Variants in EMID1 observed in about 807,000 individuals in gnomAD.
EMID1 encodes EMI domain containing 1.
EMID1 carries 40 observed loss-of-function variants against 60.6 expected under a neutral mutation model. The ratio of observed to expected loss-of-function variants is 0.66; its 90% CI spans 0.51 to 0.86. The LOEUF (loss-of-function observed/expected upper bound fraction) is 0.86. Among genes scored for constraint, EMID1 ranks in the 40% least tolerant of loss-of-function variants. EMID1 has a pLI of 0.00. For synonymous variants in EMID1, 242 were observed against 231.0 expected (o/e 1.05, Z -0.43); for missense variants, 585 against 597.1 (o/e 0.98, Z 0.21).
At chr22:29,247,787 G>A (rs150761815) in intron 13 of EMID1, among the ~76,000 whole-genome samples, 2,303 of 151,818 alleles carry the variant, frequency 0.015, 58 homozygotes, top group African/African-American at 0.053. Context: ...GAGCCACCAC[G>A]CCCAGCTAAT....
intron 2 of EMID1, 46 bp downstream of exon 2, chr22:29,215,085 C>A: frequency 6.7e-7 from 1 of 1,493,656 alleles, no homozygotes; most frequent in Non-Finnish European, 9.0e-7. Context: ...GGTGGAGGCA[C>A]AGTTTGGGCA....
At chr22:29,220,994 T>G (rs73884703) in intron 3 of EMID1, among the ~76,000 whole-genome samples, 4,366 of 150,556 alleles carry the variant, frequency 0.029, 196 homozygotes, top group African/African-American at 0.1. Flanking sequence ...CTGGCCTGTT[T>G]GGGAAGGCTT....
intron 13 of EMID1, among the ~76,000 whole-genome samples, chr22:29,253,038 AAAT>A (rs2041581821): frequency 6.6e-6 from 1 of 152,254 alleles, no homozygotes; most frequent in African/African-American, 2.4e-5. Context: ...ACGATGGTTC[AAAT>A]TACAATTTTT....
intron 1 of EMID1, among the ~76,000 whole-genome samples, 168 bp downstream of exon 1, chr22:29,206,307 C>A (rs916452407): frequency 6.6e-6 from 1 of 152,234 alleles, no homozygotes; most frequent in Admixed American, 6.5e-5. Flanking sequence ...AGTGCGGGGT[C>A]CCCTACTCCA....
chr22:29,250,271 A>G (rs971169874), intron 13 of EMID1, among the ~76,000 whole-genome samples: 1 of 152,162 alleles, frequency 6.6e-6, no homozygotes, highest in Non-Finnish European at 1.5e-5. Flanking sequence ...ATCAATCAAT[A>G]AAGTCCAAAA....
chr22:29,251,508 C>T (rs779492534), intron 13 of EMID1, among the ~76,000 whole-genome samples: 9 of 151,146 alleles, frequency 6.0e-5, no homozygotes, highest in African/African-American at 1.2e-4. Flanking sequence ...GCCCCCCCGG[C>T]GTTTTTTGAG....
chr22:29,256,220 C>T (rs1048830425), intron 14 of EMID1, among the ~76,000 whole-genome samples: 1 of 152,076 alleles, frequency 6.6e-6, no homozygotes, highest in Admixed American at 6.6e-5. Context: ...CACCTGTAAT[C>T]CTAGCACTTT....
chr22:29,209,905 C>G (rs1397509599), intron 1 of EMID1, among the ~76,000 whole-genome samples: 2 of 152,100 alleles, frequency 1.3e-5, no homozygotes, highest in East Asian at 3.9e-4. Context: ...GCGGACTCCA[C>G]AGTGGGTGGT....
At chr22:29,217,949 C>G (rs916048037) in intron 3 of EMID1, among the ~76,000 whole-genome samples, 1 of 152,314 alleles carries the variant, frequency 6.6e-6, no homozygotes. Flanking sequence ...CCAACAGGAC[C>G]CAGGGCAGCC....
chr22:29,252,322 AG>A (rs766449987), intron 13 of EMID1, among the ~76,000 whole-genome samples: 1 of 152,168 alleles, frequency 6.6e-6, no homozygotes, highest in African/African-American at 2.4e-5. Flanking sequence ...GAGACCTCTT[AG>A]TTGTTTAGAT....
chr22:29,245,374 C>G (rs1468097011), intron 13 of EMID1, among the ~76,000 whole-genome samples: 3 of 152,226 alleles, frequency 2.0e-5, no homozygotes, highest in African/African-American at 7.2e-5. Flanking sequence ...AGTCCTGTCC[C>G]TTCATGAGAA....
chr22:29,249,498 C>A (rs1162871504), intron 13 of EMID1, among the ~76,000 whole-genome samples: 4 of 152,042 alleles, frequency 2.6e-5, no homozygotes, highest in Admixed American at 2.6e-4. Flanking sequence ...ATCTCAAACT[C>A]CTGACCTCAG....
At chr22:29,231,197 A>C (rs2146289329) in intron 6 of EMID1, 57 bp downstream of exon 6, 2 of 1,534,342 alleles carry the variant, frequency 1.3e-6, no homozygotes, top group East Asian at 2.3e-5. Flanking sequence ...GGAATCGGGG[A>C]AGTGGGATTC....
chr22:29,256,025 A>G (rs1198530425), intron 14 of EMID1, among the ~76,000 whole-genome samples: 1 of 152,076 alleles, frequency 6.6e-6, no homozygotes, highest in Non-Finnish European at 1.5e-5. Flanking sequence ...TCCCCATGAA[A>G]CTGGAGCCTG....
At chr22:29,246,067 C>T (rs1240387452) in intron 13 of EMID1, among the ~76,000 whole-genome samples, 1 of 152,214 alleles carries the variant, frequency 6.6e-6, no homozygotes, top group Non-Finnish European at 1.5e-5. Flanking sequence ...ACACTTTACA[C>T]TTTAGCATCC....
At chr22:29,247,636 T>C (rs930157609) in intron 13 of EMID1, among the ~76,000 whole-genome samples, 7 of 152,364 alleles carry the variant, frequency 4.6e-5, no homozygotes, top group Admixed American at 1.3e-4. Context: ...GGAGCTTTTT[T>C]GTTTGTTTGT....
chr22:29,206,089 G>C lies in EMID1; in HGVS notation c.51G>C (p.Pro17=). 1 of 1,230,668 alleles carries C rather than the reference G, an allele frequency of 8.1e-7. No homozygotes were observed. Among genetic ancestry groups the C allele is most frequent in the Non-Finnish European group, 1.0e-6 (1 of 987,254 alleles). The allele number at this position is 1,230,668 out of a possible 1,614,324, so 76.2% of individuals were successfully genotyped here. Residue 17 remains proline, a synonymous_variant, in exon 1 of 15, where the codon CCG becomes CCC. Transcript: ENST00000334018. The part of the protein sequence containing the change: ...WALLCLGLLL[P]GGGAAWSIGA... ...TGCTCTGCCTCGGGCTCCTGCTCCC[G>C]GGAGGCGGCGCTGCGTGGAGCATCG...
intron 14 of EMID1, among the ~76,000 whole-genome samples, chr22:29,254,958 C>T (rs1435128364): frequency 6.6e-6 from 1 of 152,174 alleles, no homozygotes; most frequent in East Asian, 1.9e-4. Context: ...TCCCAGGTGT[C>T]CCCTTTGCAG....
rs2041043054 is a variant in EMID1 at position 29,238,509 on chromosome 22, C to T, written c.1074+4160C>T. ...CTTGGCTCACTGCAACCTCCGCTTC[C>T]TGGGTTCAAGCGATTCTCCTGCCTC... On this transcript the variant is annotated intron_variant, in intron 12 of 14. Coordinates refer to ENST00000334018, the MANE Select transcript of EMID1 (RefSeq NM_133455.4). Among the ~76,000 whole-genome samples, 2 of 142,158 alleles carry T rather than the reference C, an allele frequency of 1.4e-5. 1 individual carries two copies. The highest frequency in any genetic ancestry group is 3.0e-5 in the Non-Finnish European group (2 of 66,646). 93.3% of individuals were successfully genotyped at this position (142,158 alleles called of 152,430 possible). A position where few individuals can be genotyped will look rare whatever the true frequency, so the allele number is the denominator to read the frequency against.
Sources: allele counts gnomAD v4.1 joint callset (sites outside exome capture counted in the v4.1 genomes callset), GRCh38; gene constraint gnomAD v4.1.1; transcripts MANE v1.5; gene names NCBI Gene and HGNC (gene_info 2026-07-23, HGNC 2026-07-21).